Variants in ZFC3H1 observed in about 807,000 individuals in gnomAD.
The protein encoded by ZFC3H1 is zinc finger C3H1 domain-containing protein.
A neutral mutation model predicts 243.7 loss-of-function variants in ZFC3H1; 71 were observed. The ratio of observed to expected loss-of-function variants is 0.29; its 90% CI spans 0.24 to 0.36. The LOEUF (loss-of-function observed/expected upper bound fraction) is 0.36. Among genes scored for constraint, ZFC3H1 ranks in the 10% least tolerant of loss-of-function variants. The pLI, the probability that ZFC3H1 is intolerant of heterozygous loss-of-function variation, is 1.00. For synonymous variants in ZFC3H1, 838 were observed against 813.0 expected (o/e 1.03, Z -0.52); for missense variants, 1,966 against 2,317.1 (o/e 0.85, Z 3.11).
At position 71,613,393 on chromosome 12, in the gene ZFC3H1, A is replaced by C. The variant is rs185254752; in HGVS notation, c.5569T>G (p.Ser1857Ala). The C allele has an allele frequency of 7.0e-5, 112 of 1,610,448 alleles. No individual in the cohort carries two copies. In the East Asian group the frequency reaches 2.0e-3, roughly 29 times the overall value. ...GAACAAAACCGTTCCAAGGTTTTGGAATGCTGGGTCTTTGGAACACAGCTC... is the reference window on the plus strand; with the variant it reads ...GAACAAAACCGTTCCAAGGTTTTGGCATGCTGGGTCTTTGGAACACAGCTC... ...YLSCVPKTQH[S>A]KTLERFCSVM... The change falls in exon 31 of 35, where the codon TCC (serine) becomes GCC (alanine). Residue 1857 changes from serine (S) to alanine (A), a missense_variant. Ser to Ala is a moderately conservative substitution (Grantham distance 99). Coordinates refer to ENST00000378743, the MANE Select transcript of ZFC3H1 (RefSeq NM_144982.5).
Position 71,620,231 on chromosome 12 carries a change from G to C in ZFC3H1, c.4829C>G (p.Ala1610Gly). 6.2e-7 allele frequency: 1 copy of C among 1,614,164 alleles called. No individual in the cohort carries two copies. The highest frequency in any genetic ancestry group is 2.2e-5 in the East Asian group (1 of 44,864). The change falls in exon 25 of 35, where the codon GCT (alanine) becomes GGT (glycine). Residue 1610 changes from alanine to glycine, a missense_variant. Transcript: ENST00000378743. ...GTACCTCTCCAGGAGTTGGTGCAGA[G>C]CAATCATGTTTGTGTAAAGTGGAAG... ...ACLPLYTNMI[A>G]LHQLLERYEA... is the part of the protein sequence containing the mutation.
intron 6 of ZFC3H1, among the ~76,000 whole-genome samples, chr12:71,641,321 A>T (rs754457255): frequency 3.9e-5 from 6 of 152,212 alleles, no homozygotes; most frequent in Admixed American, 6.5e-5. Flanking sequence ...CTGAAAAATG[A>T]GCATTTTGGT....
chr12:71,643,480 T>G (rs557875827), intron 5 of ZFC3H1, among the ~76,000 whole-genome samples: 13 of 152,260 alleles, frequency 8.5e-5, no homozygotes, highest in African/African-American at 2.9e-4. Context: ...CTAACTCCAA[T>G]TAACGAATTT....
intron 20 of ZFC3H1, 94 bp downstream of exon 20, chr12:71,628,824 G>A (rs1327253278): frequency 3.3e-5 from 46 of 1,389,968 alleles, no homozygotes; most frequent in Admixed American, 1.1e-4. Flanking sequence ...TTTTAACCAG[G>A]CAGGCTGATA....
At chr12:71,645,104 T>G (rs1368080394) in intron 3 of ZFC3H1, 29 bp from the exon 4 acceptor site, 3 of 1,543,136 alleles carry the variant, frequency 1.9e-6, no homozygotes, top group South Asian at 1.2e-5. Context: ...GAGCTAAAAT[T>G]TTTTAATTCT....
Position 71,663,398 on chromosome 12 carries a change from G to GCCACCGCCTCCGCCAGAT in ZFC3H1, c.195_212dup (p.Gly67_Ser72dup), listed in dbSNP as rs757995793. 6.2e-7 allele frequency: 1 copy of GCCACCGCCTCCGCCAGAT among 1,612,042 alleles called. No individual in the cohort carries two copies. Among genetic ancestry groups the GCCACCGCCTCCGCCAGAT allele is most frequent in the Non-Finnish European group, 8.5e-7 (1 of 1,180,020 alleles). ...GAGAAGAGGACGATGACGAGGAAGA[G>GCCACCGCCTCCGCCAGAT]CCACCGCCTCCGCCAGATCCACCGC... On this transcript the variant is annotated inframe_insertion, in exon 1 of 35. Transcript: ENST00000378743.
At chr12:71,619,808 A>G in intron 26 of ZFC3H1, 118 bp downstream of exon 26, 1 of 874,864 alleles carries the variant, frequency 1.1e-6, no homozygotes, top group Non-Finnish European at 1.7e-6. Context: ...CAAAGAGAGA[A>G]GGAACACCTA....
At position 71,630,725 on chromosome 12, in the gene ZFC3H1, A is replaced by C. The variant is rs753324199; in HGVS notation, c.3603-4T>G. 3.1e-6 allele frequency: 5 copies of C among 1,606,346 alleles called. No individual in the cohort carries two copies. Among genetic ancestry groups the C allele is most frequent in the Non-Finnish European group, 4.2e-6 (5 of 1,177,860 alleles). ...TGTATAGTCTTGTATATGCTGCCTAAGATAAAAAAAAACACAGAAAAGATA... is the reference window on the plus strand; with the variant it reads ...TGTATAGTCTTGTATATGCTGCCTACGATAAAAAAAAACACAGAAAAGATA... On this transcript the variant is annotated splice_region_variant and splice_polypyrimidine_tract_variant and intron_variant, in intron 17 of 34. Transcript: ENST00000378743.
intron 2 of ZFC3H1, among the ~76,000 whole-genome samples, chr12:71,654,369 A>C (rs942592680): frequency 7.2e-5 from 11 of 152,162 alleles, no homozygotes; most frequent in Admixed American, 1.3e-4. Context: ...TGAGCCCAGG[A>C]GGTCAAGGCT....
In ZFC3H1 at chr12:71,636,600, G is replaced by A. The variant is rs760359287; in HGVS notation, c.1990C>T (p.Pro664Ser). Residue 664 changes from proline to serine, a missense_variant, in exon 9 of 35, where the codon CCT becomes TCT. Coordinates refer to ENST00000378743, the MANE Select transcript of ZFC3H1 (RefSeq NM_144982.5). ...PSPPVLNNSHPVPRSNLSIVS... is the reference protein window; with the variant it reads ...PSPPVLNNSHSVPRSNLSIVS... ...ATTGATAGATTGCTTCTTGGCACAG[G>A]ATGTGAATTGTTCAGAACTGGAGGT... is the stretch of plus-strand genomic sequence containing the variant. 13 of 1,613,858 alleles carry A rather than the reference G, an allele frequency of 8.1e-6. No individual in the cohort carries two copies. The South Asian group carries it at 1.4e-4, about 18-fold the overall frequency.
chr12:71,657,755 G>A lies in ZFC3H1; in HGVS notation c.599-454C>T, dbSNP rs186975384. 8.7e-3 allele frequency among the ~76,000 whole-genome samples: 1,331 copies of A among 152,260 alleles called. 54 individuals carry two copies. Among genetic ancestry groups the A allele is most frequent in the Admixed American group, 0.076 (1,155 of 15,282 alleles). ...TGTAATCCCAGCACTTTGGGAGGCC[G>A]AGGCAGGAGGATCACTTGAGGTCAG... is the stretch of plus-strand genomic sequence containing the variant. On this transcript the variant is annotated intron_variant, in intron 1 of 34. Coordinates refer to ENST00000378743, the MANE Select transcript of ZFC3H1 (RefSeq NM_144982.5).
intron 2 of ZFC3H1, among the ~76,000 whole-genome samples, chr12:71,651,299 C>A (rs1880880650): frequency 6.6e-6 from 1 of 152,174 alleles, no homozygotes; most frequent in African/African-American, 2.4e-5. Context: ...TAAATCTCAC[C>A]TTCAAATAGA....
chr12:71,636,935 A>C lies in ZFC3H1; in HGVS notation c.1850T>G (p.Phe617Cys). The C allele has an allele frequency of 6.2e-7, 1 of 1,614,082 alleles. No homozygotes were observed. The highest frequency in any genetic ancestry group is 8.5e-7 in the Non-Finnish European group (1 of 1,179,970). ...TTCTTCCTCCTCTTCCTCATCTGCA[A>C]AAGGTGGTTTTGGAGGCTGTTCTGG... ...EDPEQPPKPP[F>C]ADEEEEEEML... Residue 617 changes from phenylalanine (F) to cysteine (C), a missense_variant, in exon 8 of 35, where the codon TTT (phenylalanine) becomes TGT (cysteine). Phe to Cys is a radical substitution (Grantham distance 205). Around this residue, in one of 4 missense-constraint regions of ZFC3H1, gnomAD observed 1,383 missense variants for 1,723.7 expected, o/e 0.80. Coordinates refer to ENST00000378743, the MANE Select transcript of ZFC3H1 (RefSeq NM_144982.5).
chr12:71,617,318 C>T lies in ZFC3H1; in HGVS notation c.5144+1997G>A, dbSNP rs892684346. Among the ~76,000 whole-genome samples, 10 of 152,294 alleles carry T rather than the reference C, an allele frequency of 6.6e-5. No homozygotes were observed. The East Asian group carries it at 1.9e-3, about 29-fold the overall frequency. ...AAAAAGACTCTCTAACAGAAATGCA[C>T]AATCTTTGTGTAACCAAGAGTTTCA... On this transcript the variant is annotated intron_variant, in intron 27 of 34. Coordinates refer to ENST00000378743, the MANE Select transcript of ZFC3H1 (RefSeq NM_144982.5).
At chr12:71,633,052 G>A in intron 13 of ZFC3H1, 35 bp from the exon 14 acceptor site, 1 of 1,557,362 alleles carries the variant, frequency 6.4e-7, no homozygotes, top group Non-Finnish European at 8.6e-7. Flanking sequence ...AAATGTAAAT[G>A]AAAACCTTAA....
chr12:71,640,845 C>T (rs956684383), intron 6 of ZFC3H1, among the ~76,000 whole-genome samples: 1 of 151,862 alleles, frequency 6.6e-6, no homozygotes, highest in Non-Finnish European at 1.5e-5. Flanking sequence ...TAGTTTTTTA[C>T]CGTATTTGAA....
chr12:71,634,957 T>C, intron 10 of ZFC3H1, 132 bp from the exon 11 acceptor site: 5 of 1,109,010 alleles, frequency 4.5e-6, no homozygotes, highest in Non-Finnish European at 6.1e-6. Context: ...CATCATTTTC[T>C]ATTCTTTTTT....
At chr12:71,635,953 T>C (rs1880448233) in intron 9 of ZFC3H1, among the ~76,000 whole-genome samples, 1 of 152,192 alleles carries the variant, frequency 6.6e-6, no homozygotes, top group African/African-American at 2.4e-5. Flanking sequence ...TTGCCAAAAC[T>C]GGCTTACCTA....
Position 71,634,824 on chromosome 12 carries a change from T to C in ZFC3H1, c.2240A>G (p.Gln747Arg). The change falls in exon 11 of 35, where the codon CAA (glutamine) becomes CGA (arginine). Residue 747 changes from glutamine to arginine, a missense_variant and splice_region_variant. Gln to Arg is a conservative substitution (Grantham distance 43). Coordinates refer to ENST00000378743, the MANE Select transcript of ZFC3H1 (RefSeq NM_144982.5). ...MIKEARRTAE[Q>R]ASKPKVPPKS... ...TGGAGGTACTTTCGGTTTTGAAGCT[T>C]GCTAAAAAAAAAAAAACATTTGAAG... 6.5e-7 allele frequency: 1 copy of C among 1,533,762 alleles called. No individual in the cohort carries two copies. Among genetic ancestry groups the C allele is most frequent in the Admixed American group, 2.3e-5 (1 of 43,112 alleles).
Sources: allele counts gnomAD v4.1 joint callset (sites outside exome capture counted in the v4.1 genomes callset), GRCh38; gene constraint gnomAD v4.1.1; regional missense constraint gnomAD v4.1.1; transcripts MANE v1.5; gene names NCBI Gene and HGNC (gene_info 2026-07-23, HGNC 2026-07-21).